Variants in ZFAT observed in about 807,000 individuals in gnomAD.
ZFAT encodes the protein zinc finger protein ZFAT.
A neutral mutation model predicts 117.7 loss-of-function variants in ZFAT; 64 were observed. That is an observed-to-expected ratio of 0.54 (90% CI 0.44 to 0.67). ZFAT has a LOEUF of 0.67. ZFAT is among the 30% of genes least tolerant of loss of function. The pLI, the probability that ZFAT is intolerant of heterozygous loss-of-function variation, is 0.00. For synonymous variants in ZFAT, 679 were observed against 615.0 expected (o/e 1.10, Z -1.54); for missense variants, 1,433 against 1,584.5 (o/e 0.90, Z 1.62).
intron 14 of ZFAT, chr8:134,509,991 A>G (rs1819695338): frequency 1.9e-6 from 1 of 532,066 alleles, no homozygotes; most frequent in South Asian, 1.6e-5. Context: ...TTGAGACGTT[A>G]TTTGCATTTT....
the ZFAT span, among the ~76,000 whole-genome samples, chr8:134,821,636 T>G: frequency 6.6e-6 from 1 of 152,138 alleles, no homozygotes; most frequent in African/African-American, 2.4e-5. Flanking sequence ...TAAGAGTTAT[T>G]GTGTACAAGA....
chr8:134,702,864 G>T (rs1483362545), intron 1 of ZFAT, among the ~76,000 whole-genome samples: 1 of 151,976 alleles, frequency 6.6e-6, no homozygotes. Flanking sequence ...GTAGAGACGG[G>T]GTTTCACCAT....
chr8:134,694,032 G>C (rs1371375091), intron 1 of ZFAT, among the ~76,000 whole-genome samples: 1 of 152,144 alleles, frequency 6.6e-6, no homozygotes, highest in Non-Finnish European at 1.5e-5. Context: ...CCAAAGGGAG[G>C]TAGAGTCTAC....
chr8:134,690,858 A>G (rs1290607033), intron 1 of ZFAT, among the ~76,000 whole-genome samples: 1 of 152,264 alleles, frequency 6.6e-6, no homozygotes, highest in African/African-American at 2.4e-5. Flanking sequence ...TCATAATTCA[A>G]CACTAAATGA....
the ZFAT span, among the ~76,000 whole-genome samples, chr8:134,770,935 G>A: frequency 7.6e-4 from 107 of 140,170 alleles, no homozygotes; most frequent in African/African-American, 2.8e-3. Context: ...TGGTCAGACC[G>A]ATTGATCTCA....
intron 3 of ZFAT, among the ~76,000 whole-genome samples, chr8:134,633,660 C>A (rs1217995517): frequency 1.3e-5 from 2 of 152,220 alleles, no homozygotes; most frequent in Non-Finnish European, 2.9e-5. Context: ...TCGCTCACAA[C>A]CAGCTCCACC....
At chr8:134,810,878 TA>T in the ZFAT span, among the ~76,000 whole-genome samples, 1 of 152,174 alleles carries the variant, frequency 6.6e-6, no homozygotes, top group Non-Finnish European at 1.5e-5. Context: ...ATGAGGGGCA[TA>T]ATCTGTGAGT....
At chr8:134,758,885 T>C in the ZFAT span, among the ~76,000 whole-genome samples, 1 of 152,036 alleles carries the variant, frequency 6.6e-6, no homozygotes, top group African/African-American at 2.4e-5. Flanking sequence ...TCAAGGTGGG[T>C]GCTCCACCTC....
the ZFAT span, among the ~76,000 whole-genome samples, chr8:134,748,434 C>T: frequency 1.3e-5 from 2 of 152,098 alleles, no homozygotes; most frequent in African/African-American, 4.8e-5. Flanking sequence ...CACATTGTTG[C>T]ATTAAAACTG....
intron 11 of ZFAT, among the ~76,000 whole-genome samples, chr8:134,541,647 G>T (rs1009853020): frequency 6.6e-6 from 1 of 152,196 alleles, no homozygotes; most frequent in African/African-American, 2.4e-5. Context: ...AAAGAAAAGG[G>T]AGAGAGGGGG....
At chr8:134,501,387 A>G (rs1818964036) in intron 15 of ZFAT, among the ~76,000 whole-genome samples, 1 of 152,218 alleles carries the variant, frequency 6.6e-6, no homozygotes, top group Non-Finnish European at 1.5e-5. Flanking sequence ...GTGACATCCA[A>G]ATACAATGAA....
chr8:134,647,866 G>T (rs1830991609), intron 2 of ZFAT, among the ~76,000 whole-genome samples: 1 of 152,062 alleles, frequency 6.6e-6, no homozygotes, highest in African/African-American at 2.4e-5. Context: ...TAAATGGAAA[G>T]ATATCCCACA....
At position 134,498,244 on chromosome 8, in the gene ZFAT, G is replaced by A. The variant is rs867982208; in HGVS notation, c.3492+11375C>T. Among the ~76,000 whole-genome samples the A allele has an allele frequency of 3.4e-3, 438 of 129,428 alleles. 1 individual carries two copies. Among genetic ancestry groups the A allele is most frequent in the African/African-American group, 0.014 (412 of 30,042 alleles). The allele number at this position is 129,428 out of a possible 152,430, so 84.9% of individuals were successfully genotyped here. A position where few individuals can be genotyped will look rare whatever the true frequency, so the allele number is the denominator to read the frequency against. ...GCCCCCGTTGCTGGTTACACACAGA[G>A]CCTGATTTGGTAGGGTTGGGGTGGA... On this transcript the variant is annotated intron_variant, in intron 15 of 15. Transcript: ENST00000377838.
At chr8:134,559,116 T>C (rs1485536106) in intron 11 of ZFAT, among the ~76,000 whole-genome samples, 1 of 152,218 alleles carries the variant, frequency 6.6e-6, no homozygotes, top group African/African-American at 2.4e-5. Context: ...TGTTTTTTAC[T>C]TAAATTATTG....
chr8:134,739,530 C>T, the ZFAT span, among the ~76,000 whole-genome samples: 2 of 152,154 alleles, frequency 1.3e-5, no homozygotes, highest in African/African-American at 2.4e-5. Flanking sequence ...AAAGCAAGCC[C>T]ATGCTGAAGT....
chr8:134,593,285 G>C (rs1563645085), intron 7 of ZFAT, among the ~76,000 whole-genome samples: 2 of 151,968 alleles, frequency 1.3e-5, no homozygotes, highest in Non-Finnish European at 2.9e-5. Flanking sequence ...GAGCTTATCA[G>C]GGGCCCTTAT....
intron 1 of ZFAT, among the ~76,000 whole-genome samples, chr8:134,672,938 AAAG>A (rs1372074920): frequency 1.8e-4 from 27 of 152,384 alleles, no homozygotes; most frequent in Middle Eastern, 3.4e-3. Flanking sequence ...CATCAAAAAG[AAAG>A]AAGAAGGGAA....
At chr8:134,627,060 G>C (rs1829567136) in intron 3 of ZFAT, among the ~76,000 whole-genome samples, 2 of 152,214 alleles carry the variant, frequency 1.3e-5, no homozygotes, top group Admixed American at 1.3e-4. Context: ...ATGGCATACA[G>C]AGACAGTGGC....
At chr8:134,493,953 G>T (rs1818241714) in intron 15 of ZFAT, among the ~76,000 whole-genome samples, 1 of 152,224 alleles carries the variant, frequency 6.6e-6, no homozygotes, top group Admixed American at 6.5e-5. Flanking sequence ...AGAAAGGGAA[G>T]GAGGCAGGCA....
Sources: allele counts gnomAD v4.1 joint callset (sites outside exome capture counted in the v4.1 genomes callset), GRCh38; gene constraint gnomAD v4.1.1; transcripts MANE v1.5; gene names NCBI Gene and HGNC (gene_info 2026-07-23, HGNC 2026-07-21).